RIMBP2: variants seen among roughly 807,000 people sequenced by gnomAD.
RIMBP2 encodes the protein RIMS-binding protein 2.
Under a neutral mutation model 118.6 loss-of-function variants are expected in RIMBP2, and 48 were observed. That is an observed-to-expected ratio of 0.40 (90% CI 0.32 to 0.51). The LOEUF is 0.51. RIMBP2 is among the 20% of genes least tolerant of loss of function. RIMBP2 has a pLI of 0.41. For missense variants in RIMBP2, 1,551 were observed against 1,768.3 expected (o/e 0.88, Z 2.20); for synonymous variants, 762 against 742.9 (o/e 1.03, Z -0.42).
At chr12:130,645,482 T>A (rs2062822714) in intron 1 of RIMBP2, among the ~76,000 whole-genome samples, 1 of 152,214 alleles carries the variant, frequency 6.6e-6, no homozygotes, top group South Asian at 2.1e-4. Context: ...GATATCGGGT[T>A]AACCAGCCAG....
chr12:130,686,755 G>A (rs1383098779), intron 1 of RIMBP2, among the ~76,000 whole-genome samples: 5 of 152,214 alleles, frequency 3.3e-5, no homozygotes, highest in African/African-American at 4.8e-5. Context: ...ACCTGCCAGC[G>A]CCGTCGGGGG....
chr12:130,640,314 C>A (rs867279596), intron 1 of RIMBP2, among the ~76,000 whole-genome samples: 1 of 152,168 alleles, frequency 6.6e-6, no homozygotes, highest in Non-Finnish European at 1.5e-5. Context: ...TCATCTTACA[C>A]GAAAATTAAT....
intron 2 of RIMBP2, among the ~76,000 whole-genome samples, chr12:130,535,660 CATATACATAT>C (rs1348707458): frequency 1.0e-4 from 15 of 147,698 alleles, no homozygotes; most frequent in African/African-American, 2.5e-4. Flanking sequence ...TACATATACA[CATATACATAT>C]ATACACATAT....
intron 22 of RIMBP2, chr12:130,398,441 T>C (rs943188135): frequency 6.6e-6 from 1 of 152,642 alleles, no homozygotes; most frequent in African/African-American, 2.4e-5. Context: ...TAGTAAAGCA[T>C]CCCAAAGTAC....
chr12:130,482,403 T>C (rs2082090622), intron 4 of RIMBP2, among the ~76,000 whole-genome samples: 1 of 151,958 alleles, frequency 6.6e-6, no homozygotes, highest in Non-Finnish European at 1.5e-5. Flanking sequence ...GGGGGCACAG[T>C]GTGAAGGCAG....
chr12:130,438,025 G>C (rs531135112), intron 12 of RIMBP2, among the ~76,000 whole-genome samples: 8 of 152,160 alleles, frequency 5.3e-5, no homozygotes, highest in African/African-American at 1.9e-4. Flanking sequence ...ACGCGCCTTC[G>C]GCCATGGGTA....
At position 130,481,423 on chromosome 12, in the gene RIMBP2, C is replaced by T. The variant is rs573938673; in HGVS notation, c.-3-2407G>A. On this transcript the variant is annotated intron_variant, in intron 4 of 22. Coordinates refer to ENST00000690449, the MANE Select transcript of RIMBP2 (RefSeq NM_001393629.1). Reference sequence around the variant, plus strand: ...AAAAAGTGAAGTCTTCCTCCCGGCCCGTGTTTCAGGCACGGCAACCTCACG... The same window carrying T: ...AAAAAGTGAAGTCTTCCTCCCGGCCTGTGTTTCAGGCACGGCAACCTCACG... Among the ~76,000 whole-genome samples the T allele has an allele frequency of 1.2e-4, 18 of 152,234 alleles. No individual in the cohort carries two copies. The South Asian group carries it at 3.5e-3, about 30-fold the overall frequency.
At chr12:130,428,048 A>G (rs2076909999) in intron 15 of RIMBP2, 131 bp downstream of exon 15, 2 of 806,558 alleles carry the variant, frequency 2.5e-6, no homozygotes, top group African/African-American at 3.5e-5. Flanking sequence ...GAAAGAAGCG[A>G]ATCCAAATCC....
chr12:130,408,515 TC>T (rs1163410202), intron 19 of RIMBP2, among the ~76,000 whole-genome samples: 2 of 152,156 alleles, frequency 1.3e-5, no homozygotes, highest in Admixed American at 1.3e-4. Context: ...GGCCTGGGCA[TC>T]ATCCCAGCAC....
At chr12:130,443,373 A>G (rs538908875) in intron 10 of RIMBP2, among the ~76,000 whole-genome samples, 40 of 152,310 alleles carry the variant, frequency 2.6e-4, no homozygotes, top group Non-Finnish European at 5.1e-4. Context: ...GGCTGCTAAC[A>G]GCAGACGGCC....
intron 15 of RIMBP2, 187 bp from the exon 16 acceptor site, chr12:130,425,045 G>A (rs148141080): frequency 2.5e-4 from 100 of 401,986 alleles, no homozygotes; most frequent in Middle Eastern, 1.3e-3. Context: ...AATGGGTTAC[G>A]GGGCTGGGGC....
In RIMBP2 at chr12:130,683,865, G is replaced by A. The variant is rs965426558; in HGVS notation, c.-352+32357C>T. On this transcript the variant is annotated intron_variant, in intron 1 of 22. Coordinates refer to ENST00000690449, the MANE Select transcript of RIMBP2 (RefSeq NM_001393629.1). The surrounding 1 kb of genome is among the most constrained non-coding windows in gnomAD (Gnocchi z 4.4). ...TAAAAATAGGCAACCAGCAGCCCTC[G>A]GGGTTGTCCTGCCTATGGAATAGCC... 2.6e-5 allele frequency among the ~76,000 whole-genome samples: 4 copies of A among 152,134 alleles called. No homozygotes were observed. Among genetic ancestry groups the A allele is most frequent in the Admixed American group, 6.5e-5 (1 of 15,282 alleles).
intron 1 of RIMBP2, among the ~76,000 whole-genome samples, chr12:130,666,035 C>T (rs947893170): frequency 3.3e-5 from 5 of 152,164 alleles, no homozygotes; most frequent in African/African-American, 1.2e-4. Flanking sequence ...AAAGACAAAG[C>T]TAACAGGACC....
intron 12 of RIMBP2, among the ~76,000 whole-genome samples, 192 bp downstream of exon 12, chr12:130,438,173 G>A (rs1249835921): frequency 3.3e-5 from 5 of 152,310 alleles, no homozygotes; most frequent in African/African-American, 1.2e-4. Flanking sequence ...TGAGGGGAGC[G>A]AGATGGGGGG....
In RIMBP2 at chr12:130,600,756, TAGTC is replaced by T. The variant is rs750538203; in HGVS notation, c.-217+27562_-217+27565del. Among the ~76,000 whole-genome samples the T allele has an allele frequency of 5.3e-5, 8 of 152,332 alleles. No homozygotes were observed. In the East Asian group the frequency reaches 5.8e-4, roughly 11 times the overall value. On this transcript the variant is annotated intron_variant, in intron 2 of 22. Transcript: ENST00000690449. ...TCACCCTAAAACCAATATGTACTCT[TAGTC>T]TGTAAGACAGAATGCTCCTGACTGA...
At chr12:130,417,688 A>C (rs1326753736) in intron 17 of RIMBP2, among the ~76,000 whole-genome samples, 2 of 152,252 alleles carry the variant, frequency 1.3e-5, no homozygotes, top group African/African-American at 4.8e-5. Context: ...CACTATACCC[A>C]TGTAACAGAC....
intron 1 of RIMBP2, among the ~76,000 whole-genome samples, chr12:130,649,748 C>G (rs931276126): frequency 6.6e-6 from 1 of 152,092 alleles, no homozygotes; most frequent in African/African-American, 2.4e-5. Flanking sequence ...TGTGGTCTCC[C>G]TGCCCCCTGC....
chr12:130,425,604 C>T (rs73150892), intron 15 of RIMBP2: 2,318 of 152,474 alleles, frequency 0.015, 46 homozygotes, highest in African/African-American at 0.052. Context: ...ACACCGGGAG[C>T]TGCTTAACCA....
At chr12:130,534,532 G>A (rs1416694601) in intron 2 of RIMBP2, among the ~76,000 whole-genome samples, 1 of 152,196 alleles carries the variant, frequency 6.6e-6, no homozygotes, top group Non-Finnish European at 1.5e-5. Flanking sequence ...AACTGCACTT[G>A]TACCCCTTAA....
Sources: gnomAD v4.1 joint callset for allele counts (sites outside exome capture counted in the v4.1 genomes callset) on GRCh38, gnomAD v4.1.1 for gene constraint, Gnocchi (gnomAD v3.1) non-coding constraint, MANE v1.5 for transcripts, NCBI Gene and HGNC (gene_info 2026-07-23, HGNC 2026-07-21) for gene names.